DNMT3A: variants seen among roughly 807,000 people sequenced by gnomAD.
DNMT3A encodes the protein DNA methyltransferase 3 alpha, also known as DNA (cytosine-5)-methyltransferase 3A.
DNMT3A carries 267 observed loss-of-function variants against 117.6 expected under a neutral mutation model. The observed-to-expected ratio is 2.27, with a 90% CI of 2.05 to 2.51. The LOEUF is 2.51. Among genes scored for constraint, DNMT3A ranks in the 30% most tolerant of loss-of-function variants. DNMT3A has a pLI of 0.00. For missense variants in DNMT3A, 1,029 were observed against 1,260.2 expected (o/e 0.82, Z 2.78); for synonymous variants, 432 against 474.8 (o/e 0.91, Z 1.17).
chr2:25,292,118 A>C (rs989492524), intron 3 of DNMT3A, among the ~76,000 whole-genome samples: 2 of 152,060 alleles, frequency 1.3e-5, no homozygotes, highest in Non-Finnish European at 1.5e-5. Flanking sequence ...ATGGCCTTTG[A>C]GCCCCCTATG....
At chr2:25,271,025 A>T (rs2030845581) in intron 6 of DNMT3A, among the ~76,000 whole-genome samples, 2 of 152,068 alleles carry the variant, frequency 1.3e-5, no homozygotes, top group Non-Finnish European at 2.9e-5. Flanking sequence ...ACTCCGTCTC[A>T]AAAAAACAAA....
rs78647592 is a variant in DNMT3A, at chr2:25,278,284, T to C, written c.449-2741A>G. Among the ~76,000 whole-genome samples the C allele has an allele frequency of 6.0e-3, 907 of 152,276 alleles. 11 individuals are homozygous for C. Among genetic ancestry groups the C allele is most frequent in the African/African-American group, 0.021 (874 of 41,560 alleles). On this transcript the variant is annotated intron_variant, in intron 4 of 22. Transcript: ENST00000321117. Reference sequence around the variant, plus strand: ...GCCAGGGTGCTTCTAACACTCGCCTTCGAGTCTGAGCTATACTCAGCCAGA... The same window carrying C: ...GCCAGGGTGCTTCTAACACTCGCCTCCGAGTCTGAGCTATACTCAGCCAGA...
chr2:25,333,576 C>T (rs2035094663), intron 1 of DNMT3A, among the ~76,000 whole-genome samples: 1 of 152,170 alleles, frequency 6.6e-6, no homozygotes, highest in South Asian at 2.1e-4. Context: ...GATGATCCAC[C>T]CGCCTCGGCC....
chr2:25,342,200 C>T (rs1205981201), upstream of DNMT3A, among the ~76,000 whole-genome samples: 1 of 145,992 alleles, frequency 6.8e-6, no homozygotes, highest in Admixed American at 6.8e-5. This position sits in a 1 kb window ranked among gnomAD's most constrained non-coding sequence, Gnocchi z 5.9. Flanking sequence ...GCGGGAGCGG[C>T]CTGGGCGCGC....
rs913447606 is a variant in DNMT3A, at chr2:25,246,684, G to A, written c.1215C>T (p.Pro405=). ...TAKAVEVQNK[P]MIEWALGGFQ... ...AGCCCCCCAGGGCCCATTCAATCAT[G>A]GGCTTGTTCTGCACCTCCACGGCCT... is the stretch of plus-strand genomic sequence containing the variant. The change falls in exon 10 of 23, where the codon CCC becomes CCT. Residue 405 remains proline (P), a synonymous_variant. Transcript: ENST00000321117. 2.5e-6 allele frequency: 4 copies of A among 1,613,736 alleles called. No individual in the cohort carries two copies. Among genetic ancestry groups the A allele is most frequent in the Non-Finnish European group, 8.5e-7 (1 of 1,180,006 alleles).
intron 6 of DNMT3A, among the ~76,000 whole-genome samples, chr2:25,264,136 T>TTTTTTG (rs1296695069): frequency 1.6e-4 from 20 of 125,006 alleles, no homozygotes; most frequent in Admixed American, 3.9e-4. Flanking sequence ...CCTTTGGTTT[T>TTTTTTG]TTTTTTTTTT....
chr2:25,321,441 C>T (rs572206519), intron 1 of DNMT3A, among the ~76,000 whole-genome samples: 1 of 152,234 alleles, frequency 6.6e-6, no homozygotes, highest in Non-Finnish European at 1.5e-5. Context: ...CTTCTGATTA[C>T]ACTGGGCCCA....
At position 25,275,209 on chromosome 2, in the gene DNMT3A, G is replaced by A. The variant is rs755435733; in HGVS notation, c.493-122C>T. The A allele has an allele frequency of 5.0e-4, 683 of 1,362,068 alleles. 1 individual carries two copies. The highest frequency in any genetic ancestry group is 6.2e-4 in the Non-Finnish European group (637 of 1,030,552). 84.4% of individuals were successfully genotyped at this position (1,362,068 alleles called of 1,614,324 possible). ...GGCCAGAGAGGGCACCCCTGGGAGTGCTGGGCAGGCCCCGTGTGGGCTGGA... is the reference window on the plus strand; with the variant it reads ...GGCCAGAGAGGGCACCCCTGGGAGTACTGGGCAGGCCCCGTGTGGGCTGGA... On this transcript the variant is annotated intron_variant, in intron 5 of 22. Transcript: ENST00000321117.
At chr2:25,319,204 C>T (rs1185192109) in intron 1 of DNMT3A, among the ~76,000 whole-genome samples, 9 of 151,778 alleles carry the variant, frequency 5.9e-5, no homozygotes, top group East Asian at 5.8e-4. Flanking sequence ...CTAGTAGAGA[C>T]GGGGTTTCAC....
chr2:25,250,441 C>A (rs1469607372), intron 6 of DNMT3A, among the ~76,000 whole-genome samples: 3 of 152,176 alleles, frequency 2.0e-5, no homozygotes, highest in Non-Finnish European at 4.4e-5. Context: ...TCATGGATGG[C>A]GGAATGAGCT....
rs1672940492 is a variant in DNMT3A at position 25,232,827 on chromosome 2, A to G, written c.*1452T>C. 1 of 221,492 alleles carries G rather than the reference A, an allele frequency of 4.5e-6. No homozygotes were observed. Among genetic ancestry groups the G allele is most frequent in the Non-Finnish European group, 9.0e-6 (1 of 110,858 alleles). The allele number at this position is 221,492 out of a possible 1,614,324, so 13.7% of individuals were successfully genotyped here. A position where few individuals can be genotyped will look rare whatever the true frequency, so the allele number is the denominator to read the frequency against. ...AAGAATAATTATAATAAAAGGTGTC[A>G]TCAGCCTCCCAGTATAAAACTGCAG... On this transcript the variant is annotated 3_prime_UTR_variant, in exon 23 of 23. Coordinates refer to ENST00000321117, the MANE Select transcript of DNMT3A (RefSeq NM_022552.5). The surrounding 1 kb of genome is among the most constrained non-coding windows in gnomAD (Gnocchi z 4.1).
chr2:25,235,184 CTTTT>C (rs775705977), intron 22 of DNMT3A, among the ~76,000 whole-genome samples: 5 of 144,542 alleles, frequency 3.5e-5, no homozygotes, highest in African/African-American at 1.3e-4. Flanking sequence ...CTAGACTCCT[CTTTT>C]TTTTTTTTTT....
chr2:25,229,416 C>T lies in DNMT3A; in HGVS notation c.*4863G>A, dbSNP rs1672787059. 1 of 152,320 alleles carries T rather than the reference C, an allele frequency of 6.6e-6. No individual in the cohort carries two copies. The highest frequency in any genetic ancestry group is 2.1e-4 in the South Asian group (1 of 4,832). The allele number at this position is 152,320 out of a possible 1,614,324, so 9.4% of individuals were successfully genotyped here. Reference sequence around the variant, plus strand: ...ATTGGGAGCGGGGAGGTTTCAGCTGCTCCCTGGCAAACAGGCAGGACTCCC... The same window carrying T: ...ATTGGGAGCGGGGAGGTTTCAGCTGTTCCCTGGCAAACAGGCAGGACTCCC... On this transcript the variant is annotated 3_prime_UTR_variant, in exon 23 of 23. Transcript: ENST00000321117.
At position 25,290,424 on chromosome 2, in the gene DNMT3A, G is replaced by A. The variant is rs184599005; in HGVS notation, c.178-7713C>T. ...CAACGTCTGCCTCCCGGGTTCAAGC[G>A]ATTCTCCTGCCTCAGTCCCAACCAG... On this transcript the variant is annotated intron_variant, in intron 3 of 22. Transcript: ENST00000321117. 1.8e-4 allele frequency among the ~76,000 whole-genome samples: 27 copies of A among 151,514 alleles called. No individual in the cohort carries two copies. In the East Asian group the frequency reaches 3.1e-3, roughly 18 times the overall value.
intron 6 of DNMT3A, among the ~76,000 whole-genome samples, chr2:25,256,148 C>G (rs2149335265): frequency 6.6e-6 from 1 of 152,254 alleles, no homozygotes; most frequent in South Asian, 2.1e-4. Flanking sequence ...ACCCCAAGAC[C>G]AGGGAGACCT....
At chr2:25,283,360 CAAA>C (rs56884375) in intron 3 of DNMT3A, among the ~76,000 whole-genome samples, 301 of 66,318 alleles carry the variant, frequency 4.5e-3, no homozygotes, top group African/African-American at 0.01. Context: ...GACTCCGCCT[CAAA>C]AAAAAAAAAA....
At chr2:25,248,306 C>G (rs1573344064) in intron 6 of DNMT3A, 54 bp from the exon 7 acceptor site, 1 of 1,577,438 alleles carries the variant, frequency 6.3e-7, no homozygotes, top group East Asian at 2.2e-5. Flanking sequence ...ATTAGCAAGG[C>G]CACCTGACAC....
rs1292580283 is a variant in DNMT3A, at chr2:25,231,109, TCTGTCCTGACC to T, written c.*3159_*3169del. The T allele has an allele frequency of 2.0e-5, 3 of 152,360 alleles. No homozygotes were observed. Among genetic ancestry groups the T allele is most frequent in the African/African-American group, 7.2e-5 (3 of 41,448 alleles). 9.4% of individuals were successfully genotyped at this position (152,360 alleles called of 1,614,324 possible). A position where few individuals can be genotyped will look rare whatever the true frequency, so the allele number is the denominator to read the frequency against. On this transcript the variant is annotated 3_prime_UTR_variant, in exon 23 of 23. Transcript: ENST00000321117. ...TGGGAGAGCCTGAGCCTTAGAAGAC[TCTGTCCTGACC>T]CTGGGAGCCGGGAAGACCTTAGCAT...
Position 25,313,994 on chromosome 2 carries a change from G to A in DNMT3A, c.-10C>T, listed in dbSNP as rs555385820. ...AGGGCATGGCGGGCATCTGGGCGCC[G>A]GGAGGCAGGCTGGGGCTGCGCGGGG... is the stretch of plus-strand genomic sequence containing the variant. On this transcript the variant is annotated 5_prime_UTR_variant, in exon 2 of 23. Coordinates refer to ENST00000321117, the MANE Select transcript of DNMT3A (RefSeq NM_022552.5). The A allele has an allele frequency of 3.4e-4, 528 of 1,540,064 alleles. 4 individuals carry two copies. The South Asian group carries it at 4.1e-3, about 12-fold the overall frequency.
Sources: gnomAD v4.1 joint callset for allele counts (sites outside exome capture counted in the v4.1 genomes callset) on GRCh38, gnomAD v4.1.1 for gene constraint, Gnocchi (gnomAD v3.1) non-coding constraint, MANE v1.5 for transcripts, NCBI Gene and HGNC (gene_info 2026-07-23, HGNC 2026-07-21) for gene names.